The following THSD7A variants were observed in gnomAD, a reference collection of about 807,000 sequenced individuals.
THSD7A encodes the protein thrombospondin type-1 domain-containing protein 7A.
Under a neutral mutation model 231.3 loss-of-function variants are expected in THSD7A, and 96 were observed. That is an observed-to-expected ratio of 0.41 (90% CI 0.35 to 0.49). THSD7A has a LOEUF of 0.49. Among genes scored for constraint, THSD7A ranks in the 20% least tolerant of loss-of-function variants. The pLI is 0.05. For missense variants in THSD7A, 2,290 were observed against 2,070.2 expected, an observed-to-expected ratio of 1.11 and a Z score of -2.06; for synonymous variants, 940 against 743.3, an observed-to-expected ratio of 1.26 and a Z score of -4.30.
chr7:11,654,397 A>T (rs1279551121), intron 1 of THSD7A, among the ~76,000 whole-genome samples: 1 of 151,980 alleles, frequency 6.6e-6, no homozygotes, highest in African/African-American at 2.4e-5. Context: ...CACCCAATAA[A>T]GCAGTGTTGA....
intron 4 of THSD7A, among the ~76,000 whole-genome samples, chr7:11,568,767 G>A (rs564044993): frequency 6.6e-6 from 1 of 151,548 alleles, no homozygotes; most frequent in South Asian, 2.1e-4. Flanking sequence ...TCCGTATTGG[G>A]AAAGAGGAAG....
intron 11 of THSD7A, among the ~76,000 whole-genome samples, chr7:11,455,045 G>T (rs578033871): frequency 3.3e-5 from 5 of 152,072 alleles, no homozygotes; most frequent in African/African-American, 1.2e-4. Context: ...AGGTTCCTAT[G>T]ACGGGATTAA....
intron 1 of THSD7A, among the ~76,000 whole-genome samples, chr7:11,759,317 A>C (rs1047311594): frequency 6.6e-6 from 1 of 152,134 alleles, no homozygotes. Flanking sequence ...AAAAGAACCA[A>C]TGAAATGATC....
At chr7:11,482,036 G>C (rs1264368921) in intron 6 of THSD7A, 54 bp from the exon 7 acceptor site, 14 of 1,516,832 alleles carry the variant, frequency 9.2e-6, no homozygotes, top group Admixed American at 4.1e-5. Context: ...TGTAAAATGA[G>C]CAATTTAAAC....
At chr7:11,506,949 TTC>T (rs1787570043) in intron 6 of THSD7A, among the ~76,000 whole-genome samples, 2 of 152,234 alleles carry the variant, frequency 1.3e-5, no homozygotes, top group African/African-American at 4.8e-5. Flanking sequence ...TGTGTTTATT[TTC>T]TGTCTCTTCT....
At chr7:11,556,494 T>G (rs746777798) in intron 4 of THSD7A, among the ~76,000 whole-genome samples, 1 of 151,910 alleles carries the variant, frequency 6.6e-6, no homozygotes, top group African/African-American at 2.4e-5. Context: ...TTGTTTCAAC[T>G]GTCAAATATA....
At chr7:11,385,647 T>C (rs1268317807) in intron 23 of THSD7A, 2 of 152,054 alleles carry the variant, frequency 1.3e-5, no homozygotes, top group Admixed American at 1.3e-4. Flanking sequence ...ACAATTATAG[T>C]CATATTATTA....
At chr7:11,695,371 C>G (rs1456928854) in intron 1 of THSD7A, among the ~76,000 whole-genome samples, 1 of 151,498 alleles carries the variant, frequency 6.6e-6, no homozygotes. Flanking sequence ...ATGCATCACT[C>G]TCTATGCCAG....
At chr7:11,605,229 T>C (rs1424584339) in intron 2 of THSD7A, among the ~76,000 whole-genome samples, 2 of 152,070 alleles carry the variant, frequency 1.3e-5, no homozygotes, top group African/African-American at 2.4e-5. Flanking sequence ...GACACAGATA[T>C]ATGAAAAAAC....
At chr7:11,586,491 A>C (rs1026756093) in intron 4 of THSD7A, among the ~76,000 whole-genome samples, 7 of 152,318 alleles carry the variant, frequency 4.6e-5, no homozygotes, top group African/African-American at 1.7e-4. Context: ...CATGTAAAAT[A>C]TTCTTACCTA....
chr7:11,463,463 C>T (rs1785579533), intron 9 of THSD7A, among the ~76,000 whole-genome samples: 1 of 152,134 alleles, frequency 6.6e-6, no homozygotes, highest in Admixed American at 6.6e-5. Flanking sequence ...ATTTAAAAAT[C>T]TTGCCAGGTA....
intron 4 of THSD7A, among the ~76,000 whole-genome samples, chr7:11,566,863 G>A (rs1233565124): frequency 1.3e-5 from 2 of 150,872 alleles, no homozygotes; most frequent in Non-Finnish European, 2.9e-5. Context: ...CTCAAATCTT[G>A]CTAGGAAATC....
At chr7:11,770,423 T>C (rs1783184904) in intron 1 of THSD7A, among the ~76,000 whole-genome samples, 1 of 152,154 alleles carries the variant, frequency 6.6e-6, no homozygotes, top group African/African-American at 2.4e-5. Context: ...AATTACAGAA[T>C]TTATTTTCTG....
At chr7:11,615,178 C>G (rs1000484286) in intron 2 of THSD7A, among the ~76,000 whole-genome samples, 3 of 152,182 alleles carry the variant, frequency 2.0e-5, no homozygotes, top group African/African-American at 7.2e-5. Flanking sequence ...GTGTATGCAA[C>G]TGCGTGCATC....
chr7:11,510,152 G>T (rs780457613), intron 6 of THSD7A, among the ~76,000 whole-genome samples: 2 of 152,050 alleles, frequency 1.3e-5, no homozygotes, highest in Non-Finnish European at 2.9e-5. Context: ...CCCAAATGCC[G>T]ATCAGTCAAC....
At chr7:11,412,039 G>C (rs1392953207) in intron 18 of THSD7A, among the ~76,000 whole-genome samples, 1 of 152,082 alleles carries the variant, frequency 6.6e-6, no homozygotes, top group Non-Finnish European at 1.5e-5. Context: ...AAATTCCAAA[G>C]TAAGCTTTCG....
intron 1 of THSD7A, among the ~76,000 whole-genome samples, chr7:11,802,171 C>A (rs903713538): frequency 6.6e-6 from 1 of 152,090 alleles, no homozygotes; most frequent in South Asian, 2.1e-4. Context: ...GGAAATCATT[C>A]AAAATCCATC....
intron 6 of THSD7A, among the ~76,000 whole-genome samples, chr7:11,487,594 A>C (rs1367216168): frequency 6.6e-6 from 1 of 152,122 alleles, no homozygotes; most frequent in Non-Finnish European, 1.5e-5. Flanking sequence ...ATTTATAAAG[A>C]AAAAGAGGTT....
chr7:11,823,637 G>C (rs772463070), intron 1 of THSD7A, among the ~76,000 whole-genome samples: 2 of 151,976 alleles, frequency 1.3e-5, no homozygotes, highest in Non-Finnish European at 2.9e-5. Context: ...TCTTTCATCA[G>C]TGTTTTGTAG....
Sources: allele counts gnomAD v4.1 joint callset (sites outside exome capture counted in the v4.1 genomes callset), GRCh38; gene constraint gnomAD v4.1.1; transcripts MANE v1.5; gene names NCBI Gene and HGNC (gene_info 2026-07-23, HGNC 2026-07-21).